The following NCAPD2 variants were observed in gnomAD, a reference collection of about 807,000 sequenced individuals.
NCAPD2 encodes non-SMC condensin I complex subunit D2, also known as condensin complex subunit 1.
In NCAPD2, 100 loss-of-function variants were observed where a neutral mutation model predicts 164.5. The ratio of observed to expected loss-of-function variants is 0.61; its 90% CI spans 0.52 to 0.72. NCAPD2 has a LOEUF of 0.72. Ranked by LOEUF, NCAPD2 falls within the 30% of genes least tolerant of loss-of-function variation. The probability of loss-of-function intolerance (pLI) is 0.00; values close to 1 mark genes in which losing one functional copy is unlikely to be tolerated. For missense variants in NCAPD2, 1,560 were observed against 1,749.2 expected, an observed-to-expected ratio of 0.89 and a Z score of 1.93; for synonymous variants, 585 against 642.6, an observed-to-expected ratio of 0.91 and a Z score of 1.36.
Position 6,524,628 on chromosome 12 carries a change from G to A in NCAPD2, c.2215-955G>A, listed in dbSNP as rs373327054. 5.5e-5 allele frequency among the ~76,000 whole-genome samples: 7 copies of A among 128,156 alleles called. No homozygotes were observed. The East Asian group carries it at 6.5e-4, about 12-fold the overall frequency. The allele number at this position is 128,156 out of a possible 152,430, so 84.1% of individuals were successfully genotyped here. A position where few individuals can be genotyped will look rare whatever the true frequency, so the allele number is the denominator to read the frequency against. On this transcript the variant is annotated intron_variant, in intron 17 of 31. Transcript: ENST00000315579. Reference sequence around the variant, plus strand: ...TGCGCCACTGCACTCCAGCCTGGGCGACAGAGGGAGACTCTGTCTCAAAAA... The same window carrying A: ...TGCGCCACTGCACTCCAGCCTGGGCAACAGAGGGAGACTCTGTCTCAAAAA...
At position 6,531,895 on chromosome 12, in the gene NCAPD2, T is replaced by C. The variant is rs1946378076; in HGVS notation, c.*483T>C. Reference sequence around the variant, plus strand: ...GAACTGCGTTGAGCTGCTTCAACTTTGGAATATATGTTTGCCAATCTCCTT... The same window carrying C: ...GAACTGCGTTGAGCTGCTTCAACTTCGGAATATATGTTTGCCAATCTCCTT... On this transcript the variant is annotated 3_prime_UTR_variant, in exon 32 of 32. Coordinates refer to ENST00000315579, the MANE Select transcript of NCAPD2 (RefSeq NM_014865.4). The surrounding 1 kb of genome is among the most constrained non-coding windows in gnomAD (Gnocchi z 4.1). The C allele has an allele frequency of 5.7e-6, 1 of 176,492 alleles. No homozygotes were observed. Among genetic ancestry groups the C allele is most frequent in the Non-Finnish European group, 1.2e-5 (1 of 81,900 alleles). The allele number at this position is 176,492 out of a possible 1,614,324, so 10.9% of individuals were successfully genotyped here.
At chr12:6,524,274 G>A (rs1180243421) in intron 17 of NCAPD2, among the ~76,000 whole-genome samples, 2 of 151,970 alleles carry the variant, frequency 1.3e-5, no homozygotes, top group Non-Finnish European at 2.9e-5. Flanking sequence ...AAGGAGGGAG[G>A]GCATTTCAAA....
intron 2 of NCAPD2, among the ~76,000 whole-genome samples, chr12:6,504,216 T>TATATATATATATATATATATATATATAC (rs1406807438): frequency 4.3e-5 from 1 of 23,224 alleles, no homozygotes; most frequent in Non-Finnish European, 7.8e-5. Flanking sequence ...TATATATATA[T>TATATATATATATATATATATATATATAC]AGATATAGAT....
At chr12:6,513,702 T>C (rs932880968) in intron 6 of NCAPD2, among the ~76,000 whole-genome samples, 5 of 148,020 alleles carry the variant, frequency 3.4e-5, no homozygotes, top group African/African-American at 1.3e-4. Context: ...TGAGAAGTCA[T>C]TGGTGACTTT....
chr12:6,529,467 G>C (rs1218167549), intron 27 of NCAPD2, 46 bp from the exon 28 acceptor site: 2 of 1,560,486 alleles, frequency 1.3e-6, no homozygotes, highest in African/African-American at 2.7e-5. Flanking sequence ...GTGGATGGCA[G>C]AGCTGGCCCT....
rs145942484 is a variant in NCAPD2, at chr12:6,528,328, G to A, written c.3299G>A (p.Arg1100His). ...VDPWTPHLYARLRDPAQQVRK... is the reference protein window; with the variant it reads ...VDPWTPHLYAHLRDPAQQVRK... ...CCCTGGACTCCTCATCTGTATGCTC[G>A]GTAAGAGACCCCTCACAACGTGGTG... Residue 1100 changes from arginine (R) to histidine (H), a missense_variant and splice_region_variant, in exon 25 of 32, where the codon CGT (arginine) becomes CAT (histidine). By Grantham distance (29) the Arg-to-His change is conservative (BLOSUM62 0). Coordinates refer to ENST00000315579, the MANE Select transcript of NCAPD2 (RefSeq NM_014865.4). The surrounding 1 kb of genome is among the most constrained non-coding windows in gnomAD (Gnocchi z 5.1). 3.4e-4 allele frequency: 555 copies of A among 1,613,408 alleles called. No homozygotes were observed. Among genetic ancestry groups the A allele is most frequent in the Non-Finnish European group, 4.4e-4 (522 of 1,180,006 alleles).
chr12:6,514,590 G>T lies in NCAPD2; in HGVS notation c.839+3G>T. On this transcript the variant is annotated splice_donor_region_variant and intron_variant, in intron 8 of 31. Transcript: ENST00000315579. Reference sequence around the variant, plus strand: ...AGCATAGTGGGAGAGATTGTAAGGTGACTCTTCCTTCTCGAAGTTTCTCAT... The same window carrying T: ...AGCATAGTGGGAGAGATTGTAAGGTTACTCTTCCTTCTCGAAGTTTCTCAT... 1.2e-6 allele frequency: 2 copies of T among 1,614,168 alleles called. No homozygotes were observed. Among genetic ancestry groups the T allele is most frequent in the South Asian group, 1.1e-5 (1 of 91,066 alleles).
At chr12:6,526,792 T>A in intron 21 of NCAPD2, 99 bp from the exon 22 acceptor site, 1 of 1,463,548 alleles carries the variant, frequency 6.8e-7, no homozygotes, top group Non-Finnish European at 9.3e-7. Flanking sequence ...CTAGTTTGAA[T>A]AGCACGTGAG....
At chr12:6,512,292 A>AAGAT (rs1373983395) in intron 6 of NCAPD2, among the ~76,000 whole-genome samples, 131 of 128,906 alleles carry the variant, frequency 1.0e-3, no homozygotes, top group Non-Finnish European at 1.4e-3. Flanking sequence ...AAAAAAAAAA[A>AAGAT]AGATAGATAG....
chr12:6,495,424 G>T (rs1324227681), intron 2 of NCAPD2, among the ~76,000 whole-genome samples, 199 bp downstream of exon 2: 1 of 152,132 alleles, frequency 6.6e-6, no homozygotes, highest in Non-Finnish European at 1.5e-5. Context: ...TCCTTTTCTG[G>T]ATTAGTCAAA....
chr12:6,518,518 T>TG (rs1946231354), intron 13 of NCAPD2, among the ~76,000 whole-genome samples: 3 of 112,972 alleles, frequency 2.7e-5, no homozygotes, highest in African/African-American at 3.8e-5. Context: ...TTTTTTTTTT[T>TG]TTTTTTTTTT....
chr12:6,522,263 AT>A (rs1357209483), intron 15 of NCAPD2, among the ~76,000 whole-genome samples: 2 of 151,774 alleles, frequency 1.3e-5, no homozygotes, highest in East Asian at 3.9e-4. Context: ...TCCATATTTT[AT>A]TGATATATCT....
At position 6,528,389 on chromosome 12, in the gene NCAPD2, A is replaced by G; in HGVS notation, c.3299+61A>G. 6.3e-7 allele frequency: 1 copy of G among 1,597,446 alleles called. No homozygotes were observed. Among genetic ancestry groups the G allele is most frequent in the East Asian group, 2.2e-5 (1 of 44,784 alleles). On this transcript the variant is annotated intron_variant, in intron 25 of 31. Coordinates refer to ENST00000315579, the MANE Select transcript of NCAPD2 (RefSeq NM_014865.4). The surrounding 1 kb of genome is among the most constrained non-coding windows in gnomAD (Gnocchi z 5.1). ...GGAGCCCCGGAGTCTGTTGAGAGTC[A>G]GTGTGAGAATCACCAGGGCTCTTCC...
chr12:6,528,927 G>T lies in NCAPD2; in HGVS notation c.3478-18G>T. On this transcript the variant is annotated intron_variant, in intron 26 of 31. Transcript: ENST00000315579. The surrounding 1 kb of genome is among the most constrained non-coding windows in gnomAD (Gnocchi z 5.1). ...TAGGTCACCTCATCTCCTTAACATGGCTCTCTCTGTCTTACAGGGCAACGC... is the reference window on the plus strand; with the variant it reads ...TAGGTCACCTCATCTCCTTAACATGTCTCTCTCTGTCTTACAGGGCAACGC... 6.2e-7 allele frequency: 1 copy of T among 1,613,892 alleles called. No homozygotes were observed.
At chr12:6,524,233 G>C (rs1946294269) in intron 17 of NCAPD2, among the ~76,000 whole-genome samples, 1 of 152,204 alleles carries the variant, frequency 6.6e-6, no homozygotes, top group Non-Finnish European at 1.5e-5. Context: ...GCTGGGTCTT[G>C]AAAGATGAGT....
Position 6,514,861 on chromosome 12 carries a change from C to T in NCAPD2, c.928C>T (p.Arg310Cys), listed in dbSNP as rs767746417. ...AGCATTCCTGACAGAACTAGCAGAA[C>T]GTGTCCCAGCTATCCTGATGTCCAG... Reference protein sequence around the residue: ...FAAFLTELAERVPAILMSSMC... With the variant: ...FAAFLTELAECVPAILMSSMC... Residue 310 changes from arginine (R) to cysteine (C), a missense_variant, in exon 9 of 32, where the codon CGT becomes TGT. Arg to Cys is a radical substitution (Grantham distance 180). Transcript: ENST00000315579. The T allele has an allele frequency of 1.9e-6, 3 of 1,614,204 alleles. No individual in the cohort carries two copies. Among genetic ancestry groups the T allele is most frequent in the Admixed American group, 1.7e-5 (1 of 60,022 alleles).
chr12:6,518,681 G>T (rs901317045), intron 13 of NCAPD2, among the ~76,000 whole-genome samples: 1 of 143,956 alleles, frequency 6.9e-6, no homozygotes. Context: ...CCACCACACC[G>T]CACTAATTTT....
At chr12:6,504,518 A>T (rs1449665022) in intron 2 of NCAPD2, among the ~76,000 whole-genome samples, 2 of 151,722 alleles carry the variant, frequency 1.3e-5, no homozygotes, top group Non-Finnish European at 2.9e-5. Flanking sequence ...TTAGCCTCCC[A>T]AGTAGCTGAG....
chr12:6,504,214 T>TATAG (rs1555137440), intron 2 of NCAPD2, among the ~76,000 whole-genome samples: 4 of 21,176 alleles, frequency 1.9e-4, no homozygotes, highest in East Asian at 2.9e-3. Context: ...TATATATATA[T>TATAG]ATAGATATAG....
Sources: allele counts gnomAD v4.1 joint callset (sites outside exome capture counted in the v4.1 genomes callset), GRCh38; gene constraint gnomAD v4.1.1; non-coding constraint Gnocchi (gnomAD v3.1); transcripts MANE v1.5; gene names NCBI Gene and HGNC (gene_info 2026-07-23, HGNC 2026-07-21).